Variants in HPSE2 observed in about 807,000 individuals in gnomAD.
HPSE2 encodes inactive heparanase-2.
A neutral mutation model predicts 60.5 loss-of-function variants in HPSE2; 38 were observed. The observed-to-expected ratio is 0.63, with a 90% confidence interval of 0.48 to 0.82. The LOEUF is 0.82. Among genes scored for constraint, HPSE2 ranks in the 40% least tolerant of loss-of-function variants. The probability of loss-of-function intolerance (pLI) is 0.00; values close to 1 mark genes in which losing one functional copy is unlikely to be tolerated. For missense variants in HPSE2, 713 were observed against 740.4 expected, an observed-to-expected ratio of 0.96 and a Z score of 0.43; for synonymous variants, 295 against 293.2, an observed-to-expected ratio of 1.01 and a Z score of -0.06.
chr10:98,794,900 C>T (rs1950739234), intron 3 of HPSE2, among the ~76,000 whole-genome samples: 1 of 150,104 alleles, frequency 6.7e-6, no homozygotes, highest in African/African-American at 2.5e-5. Flanking sequence ...TAGGCAAATG[C>T]CTGTGAATTA....
intron 10 of HPSE2, among the ~76,000 whole-genome samples, chr10:98,487,379 G>A (rs993909073): frequency 3.9e-5 from 6 of 152,208 alleles, no homozygotes; most frequent in African/African-American, 1.2e-4. Flanking sequence ...GACAGGCGGT[G>A]AGGTATCCAC....
chr10:98,519,597 A>G (rs1942719309), intron 9 of HPSE2, among the ~76,000 whole-genome samples: 1 of 152,260 alleles, frequency 6.6e-6, no homozygotes, highest in South Asian at 2.1e-4. Flanking sequence ...GCCAGTGGAG[A>G]AATCTCTGGA....
intron 3 of HPSE2, among the ~76,000 whole-genome samples, chr10:99,049,100 G>A (rs1957930590): frequency 6.6e-6 from 1 of 152,140 alleles, no homozygotes; most frequent in African/African-American, 2.4e-5. Context: ...ACGGAGAAGG[G>A]CTTGGCTTGA....
chr10:99,105,171 T>C (rs1365648128), intron 3 of HPSE2, among the ~76,000 whole-genome samples: 5 of 152,146 alleles, frequency 3.3e-5, no homozygotes, highest in African/African-American at 1.2e-4. Flanking sequence ...ATGGCCTTTT[T>C]ATGTCTAACT....
the HPSE2 span, among the ~76,000 whole-genome samples, chr10:99,295,451 T>C: frequency 3.3e-5 from 5 of 152,316 alleles, no homozygotes; most frequent in Admixed American, 2.6e-4. Flanking sequence ...GTTGTAATGT[T>C]AAGTGAAAAA....
chr10:98,977,255 T>G (rs1956106889), intron 3 of HPSE2, among the ~76,000 whole-genome samples: 2 of 152,206 alleles, frequency 1.3e-5, no homozygotes, highest in East Asian at 1.9e-4. Flanking sequence ...CTTTATCAAT[T>G]TAGTGTAGTG....
the HPSE2 span, among the ~76,000 whole-genome samples, chr10:99,305,975 G>A: frequency 0.41 from 19,200 of 47,162 alleles, 1,823 homozygotes; most frequent in African/African-American, 0.49. Context: ...GCGCGCGCGC[G>A]CGCGCACACA....
chr10:98,998,224 G>A (rs1022133807), intron 3 of HPSE2, among the ~76,000 whole-genome samples: 4 of 152,194 alleles, frequency 2.6e-5, no homozygotes, highest in African/African-American at 9.7e-5. Context: ...TGTGATTTGG[G>A]TTAAGGGACT....
At chr10:98,666,004 G>A (rs1189289019) in intron 6 of HPSE2, among the ~76,000 whole-genome samples, 1 of 152,146 alleles carries the variant, frequency 6.6e-6, no homozygotes, top group Non-Finnish European at 1.5e-5. Flanking sequence ...TGGATAAAAT[G>A]ACTAGACCCA....
chr10:98,505,020 G>A (rs1034135472), intron 9 of HPSE2, among the ~76,000 whole-genome samples: 9 of 152,122 alleles, frequency 5.9e-5, no homozygotes, highest in African/African-American at 1.7e-4. Context: ...GTTATTACAT[G>A]CACTTACAGT....
chr10:98,641,063 T>G (rs1399007078), intron 7 of HPSE2, among the ~76,000 whole-genome samples: 1 of 152,094 alleles, frequency 6.6e-6, no homozygotes, highest in African/African-American at 2.4e-5. Flanking sequence ...TCCTCTCAAT[T>G]TTACAAAATT....
intron 7 of HPSE2, among the ~76,000 whole-genome samples, chr10:98,630,502 A>C (rs1946340557): frequency 6.6e-6 from 1 of 151,810 alleles, no homozygotes; most frequent in Non-Finnish European, 1.5e-5. Flanking sequence ...CGGCCGTAAT[A>C]GTTTTTTTAC....
At chr10:98,617,411 A>T (rs919669930) in intron 8 of HPSE2, among the ~76,000 whole-genome samples, 17 of 152,310 alleles carry the variant, frequency 1.1e-4, no homozygotes, top group African/African-American at 3.8e-4. Context: ...TAGAGTATAT[A>T]CTCAACAAAT....
At chr10:99,100,787 A>G (rs952472819) in intron 3 of HPSE2, among the ~76,000 whole-genome samples, 13 of 152,218 alleles carry the variant, frequency 8.5e-5, no homozygotes, top group Admixed American at 2.6e-4. Flanking sequence ...GACTAACAGC[A>G]GATCTCTCGT....
the HPSE2 span, among the ~76,000 whole-genome samples, chr10:99,244,297 G>T: frequency 6.6e-6 from 1 of 151,816 alleles, no homozygotes; most frequent in Non-Finnish European, 1.5e-5. Flanking sequence ...GATTACAAGC[G>T]TGAGCCACCA....
At position 98,940,249 on chromosome 10, in the gene HPSE2, A is replaced by G. The variant is rs574030580; in HGVS notation, c.611-196193T>C. 1.5e-4 allele frequency among the ~76,000 whole-genome samples: 22 copies of G among 144,110 alleles called. 4 individuals carry two copies. The highest frequency in any genetic ancestry group is 2.8e-4 in the Non-Finnish European group (19 of 67,196). The allele number at this position is 144,110 out of a possible 152,430, so 94.5% of individuals were successfully genotyped here. ...ACTAAAACCAGAGCAGAAATGAAGG[A>G]AATAGAGACACAAAAAACCCTTCAA... On this transcript the variant is annotated intron_variant, in intron 3 of 11. Coordinates refer to ENST00000370552, the MANE Select transcript of HPSE2 (RefSeq NM_021828.5).
At chr10:99,190,606 C>T (rs1589800488) in intron 2 of HPSE2, among the ~76,000 whole-genome samples, 1 of 152,150 alleles carries the variant, frequency 6.6e-6, no homozygotes, top group Non-Finnish European at 1.5e-5. Context: ...CAGACTTTCT[C>T]AAAGCATGTT....
intron 3 of HPSE2, among the ~76,000 whole-genome samples, chr10:98,868,060 CAAAA>C (rs1171102799): frequency 7.5e-6 from 1 of 133,748 alleles, no homozygotes; most frequent in Non-Finnish European, 1.6e-5. Context: ...TCCATCTCCA[CAAAA>C]AAAAGAAAGA....
chr10:99,305,494 G>A, the HPSE2 span, among the ~76,000 whole-genome samples: 1 of 152,156 alleles, frequency 6.6e-6, no homozygotes, highest in East Asian at 1.9e-4. Context: ...CTAGGAAAGG[G>A]TGAATCTTAA....
Sources: allele counts gnomAD v4.1 joint callset (sites outside exome capture counted in the v4.1 genomes callset), GRCh38; gene constraint gnomAD v4.1.1; transcripts MANE v1.5; gene names NCBI Gene and HGNC (gene_info 2026-07-23, HGNC 2026-07-21).